The following DCUN1D4 variants were observed in gnomAD, a reference collection of about 807,000 sequenced individuals.
The protein encoded by DCUN1D4 is defective in cullin neddylation 1 domain containing 4.
In DCUN1D4, 22 loss-of-function variants were observed where a neutral mutation model predicts 47.9. That is an observed-to-expected ratio of 0.46 (90% CI 0.33 to 0.66). The LOEUF (loss-of-function observed/expected upper bound fraction) is 0.66, where lower values mean the gene tolerates loss of function less well. Among genes scored for constraint, DCUN1D4 ranks in the 30% least tolerant of loss-of-function variants. The pLI, the probability that DCUN1D4 is intolerant of heterozygous loss-of-function variation, is 0.02. For missense variants in DCUN1D4, 301 were observed against 340.8 expected, an observed-to-expected ratio of 0.88 and a Z score of 0.92; for synonymous variants, 121 against 112.2, an observed-to-expected ratio of 1.08 and a Z score of -0.50.
intron 7 of DCUN1D4, among the ~76,000 whole-genome samples, chr4:51,893,465 G>T (rs771007449): frequency 3.3e-5 from 5 of 149,652 alleles, no homozygotes; most frequent in Non-Finnish European, 7.4e-5. Flanking sequence ...TCCCTCTGTC[G>T]CCCAGGCTGG....
chr4:51,863,928 G>T (rs1725487774), intron 3 of DCUN1D4, among the ~76,000 whole-genome samples: 1 of 152,124 alleles, frequency 6.6e-6, no homozygotes, highest in African/African-American at 2.4e-5. Flanking sequence ...CTTTAAAGAG[G>T]CTCGGGATTC....
upstream of DCUN1D4, among the ~76,000 whole-genome samples, chr4:51,841,012 TGCATATGCCAG>T (rs1009292738): frequency 6.6e-6 from 1 of 152,234 alleles, no homozygotes; most frequent in African/African-American, 2.4e-5. Flanking sequence ...ATGGACACCA[TGCATATGCCAG>T]GCCAGTGTTG....
At chr4:51,860,552 G>A (rs769484321) in intron 1 of DCUN1D4, 11 of 454,642 alleles carry the variant, frequency 2.4e-5, no homozygotes, top group South Asian at 1.7e-4. Flanking sequence ...GGCTTTACAG[G>A]AAGTATGGTG....
chr4:51,844,192 C>T (rs1307933087), intron 1 of DCUN1D4, among the ~76,000 whole-genome samples: 3 of 148,734 alleles, frequency 2.0e-5, no homozygotes, highest in East Asian at 4.1e-4. Flanking sequence ...CTGTCACGTC[C>T]AGATTCGGTC....
chr4:51,899,134 G>T, intron 7 of DCUN1D4, 136 bp from the exon 8 acceptor site: 2 of 1,360,330 alleles, frequency 1.5e-6, no homozygotes, highest in Non-Finnish European at 1.9e-6. Flanking sequence ...TTTAAGTGTA[G>T]AAAAAATAGG....
chr4:51,898,735 C>T (rs1731652341), intron 7 of DCUN1D4, among the ~76,000 whole-genome samples: 1 of 152,004 alleles, frequency 6.6e-6, no homozygotes, highest in African/African-American at 2.4e-5. Flanking sequence ...GTCTGGTCTC[C>T]AAAAATGACA....
At chr4:51,892,671 G>C (rs966684360) in intron 7 of DCUN1D4, among the ~76,000 whole-genome samples, 2 of 152,204 alleles carry the variant, frequency 1.3e-5, no homozygotes, top group African/African-American at 4.8e-5. Context: ...ATATGTGCGT[G>C]TGTGCATGCG....
intron 8 of DCUN1D4, among the ~76,000 whole-genome samples, chr4:51,900,138 AT>A (rs1052332821): frequency 1.3e-5 from 2 of 151,278 alleles, no homozygotes; most frequent in Non-Finnish European, 3.0e-5. Flanking sequence ...TTTTTAAATT[AT>A]TTTTTTTTAA....
rs75746813 is a variant in DCUN1D4, at chr4:51,911,850, T to C, written c.720+676T>C. ...AGTTTGAGTTACTTGGGTTGTCATATATGGCATCCTCCTTTCCCTCCTGCC... is the reference window on the plus strand; with the variant it reads ...AGTTTGAGTTACTTGGGTTGTCATACATGGCATCCTCCTTTCCCTCCTGCC... On this transcript the variant is annotated intron_variant, in intron 9 of 10. Transcript: ENST00000334635. Among the ~76,000 whole-genome samples, 25 of 152,282 alleles carry C rather than the reference T, an allele frequency of 1.6e-4. No individual in the cohort carries two copies. The East Asian group carries it at 3.5e-3, about 21-fold the overall frequency.
At chr4:51,844,459 C>A in intron 1 of DCUN1D4, 1 of 963,750 alleles carries the variant, frequency 1.0e-6, no homozygotes, top group Non-Finnish European at 1.2e-6. Context: ...GTGCGGGCTG[C>A]GGGGTTTCAG....
chr4:51,849,865 G>A (rs1443595119), intron 1 of DCUN1D4, among the ~76,000 whole-genome samples: 3 of 151,528 alleles, frequency 2.0e-5, no homozygotes, highest in South Asian at 2.1e-4. Context: ...GTGTGTGTGC[G>A]TGTTTTAGTG....
the DCUN1D4 span, among the ~76,000 whole-genome samples, chr4:51,837,684 A>G: frequency 1.5e-5 from 2 of 133,832 alleles, no homozygotes; most frequent in African/African-American, 2.9e-5. Flanking sequence ...AAAAAAAAAA[A>G]AGAAATCTTA....
intron 1 of DCUN1D4, among the ~76,000 whole-genome samples, chr4:51,855,992 C>G (rs1560457793): frequency 6.6e-6 from 1 of 152,208 alleles, no homozygotes; most frequent in South Asian, 2.1e-4. Flanking sequence ...GGAGGCTGAG[C>G]CATGTGACCC....
chr4:51,872,742 A>G (rs1266696182), intron 3 of DCUN1D4, among the ~76,000 whole-genome samples: 1 of 152,072 alleles, frequency 6.6e-6, no homozygotes, highest in Non-Finnish European at 1.5e-5. Flanking sequence ...GTTCATACTG[A>G]CTTGGCTTTA....
chr4:51,861,928 TAATA>T (rs75731320), intron 1 of DCUN1D4, among the ~76,000 whole-genome samples: 62,939 of 151,844 alleles, frequency 0.41, 15,726 homozygotes, highest in African/African-American at 0.7. Flanking sequence ...TGTTCACGTT[TAATA>T]AATATAAATG....
In DCUN1D4 at chr4:51,911,109, T is replaced by C; in HGVS notation, c.655T>C (p.Cys219Arg). Reference protein sequence around the residue: ...QRSLDINTAKCMLGLLLGKIW... With the variant: ...QRSLDINTAKRMLGLLLGKIW... ...CAGCCTAGACATAAACACTGCCAAG[T>C]GCATGTTGGGACTGTTATTAGGAAA... Residue 219 changes from cysteine (C) to arginine (R), a missense_variant, in exon 9 of 11, where the codon TGC becomes CGC. Coordinates refer to ENST00000334635, the MANE Select transcript of DCUN1D4 (RefSeq NM_001040402.3). 6.2e-7 allele frequency: 1 copy of C among 1,613,518 alleles called. No homozygotes were observed.
intron 8 of DCUN1D4, chr4:51,905,120 A>C: frequency 2.3e-6 from 1 of 440,294 alleles, no homozygotes; most frequent in East Asian, 7.1e-5. Context: ...AGCCAATTTA[A>C]AATAGTACTT....
At chr4:51,894,978 A>T (rs1445005365) in intron 7 of DCUN1D4, among the ~76,000 whole-genome samples, 1 of 152,136 alleles carries the variant, frequency 6.6e-6, no homozygotes, top group South Asian at 2.1e-4. Context: ...TTTGATTCAT[A>T]GATGGTGCCT....
At chr4:51,869,194 GGAT>G (rs1223034414) in intron 3 of DCUN1D4, among the ~76,000 whole-genome samples, 3 of 151,178 alleles carry the variant, frequency 2.0e-5, no homozygotes, top group Non-Finnish European at 2.9e-5. Context: ...AAATGAGTAG[GGAT>G]GATGATGATA....
Sources: allele counts gnomAD v4.1 joint callset (sites outside exome capture counted in the v4.1 genomes callset), GRCh38; gene constraint gnomAD v4.1.1; transcripts MANE v1.5; gene names NCBI Gene and HGNC (gene_info 2026-07-23, HGNC 2026-07-21).